Variants in KCNG2 observed in about 807,000 individuals in gnomAD.
The protein encoded by KCNG2 is potassium voltage-gated channel modifier subfamily G member 2, also known as voltage-gated potassium channel regulatory subunit KCNG2.
Under a neutral mutation model 12.3 loss-of-function variants are expected in KCNG2, and 7 were observed. That is an observed-to-expected ratio of 0.57 (90% confidence interval 0.32 to 1.07). The LOEUF (loss-of-function observed/expected upper bound fraction) is 1.07, where lower values mean the gene tolerates loss of function less well. Among genes scored for constraint, KCNG2 ranks in the 50% least tolerant of loss-of-function variants. KCNG2 has a pLI of 0.04. For synonymous variants in KCNG2, 414 were observed against 351.4 expected (o/e 1.18, Z -1.99); for missense variants, 703 against 726.0 (o/e 0.97, Z 0.36).
Position 79,863,865 on chromosome 18 carries a change from C to T in KCNG2, c.198C>T (p.Arg66=), listed in dbSNP as rs1568260918. Residue 66 remains arginine (R), a synonymous_variant, in exon 3 of 4, where the codon CGC becomes CGT. Coordinates refer to ENST00000316249, the MANE Select transcript of KCNG2 (RefSeq NM_012283.2). ...TGTGTGACGACTACGACGTGAGCCG[C>T]GACGAGTTCTTCTTCGACCGCAGCC... ...LRVCDDYDVS[R]DEFFFDRSPC... The T allele has an allele frequency of 1.4e-6, 2 of 1,471,878 alleles. No homozygotes were observed. Among genetic ancestry groups the T allele is most frequent in the South Asian group, 1.3e-5 (1 of 79,896 alleles). The allele number at this position is 1,471,878 out of a possible 1,614,324, so 91.2% of individuals were successfully genotyped here.
chr18:79,812,732 G>A (rs374330071), intron 1 of KCNG2, among the ~76,000 whole-genome samples: 1 of 152,052 alleles, frequency 6.6e-6, no homozygotes, highest in South Asian at 2.1e-4. Context: ...GTGGTGGTGC[G>A]CACCTGTACT....
intron 3 of KCNG2, among the ~76,000 whole-genome samples, chr18:79,890,944 T>TTC (rs35438561): frequency 0.52 from 79,694 of 151,972 alleles, 21,756 homozygotes; most frequent in Middle Eastern, 0.61. Flanking sequence ...CAATGGAATT[T>TTC]TCTTTTTCTT....
chr18:79,818,733 C>T (rs925850347), intron 1 of KCNG2, among the ~76,000 whole-genome samples: 2 of 152,172 alleles, frequency 1.3e-5, no homozygotes, highest in Admixed American at 1.3e-4. Context: ...CTGCGAGAGA[C>T]GTCCGTGTCC....
At chr18:79,839,157 T>C (rs1009324879) in intron 1 of KCNG2, among the ~76,000 whole-genome samples, 3 of 151,988 alleles carry the variant, frequency 2.0e-5, no homozygotes, top group African/African-American at 7.3e-5. Flanking sequence ...ATTAGCAGAA[T>C]ATGTGGGCGC....
At chr18:79,850,301 G>T (rs1978773611) in intron 1 of KCNG2, among the ~76,000 whole-genome samples, 1 of 152,168 alleles carries the variant, frequency 6.6e-6, no homozygotes, top group Non-Finnish European at 1.5e-5. Context: ...GTATAAAATT[G>T]GGATTATTCT....
intron 1 of KCNG2, among the ~76,000 whole-genome samples, chr18:79,846,214 A>C (rs1190895829): frequency 1.3e-5 from 2 of 150,926 alleles, no homozygotes; most frequent in African/African-American, 4.9e-5. Context: ...CTACTAAAAA[A>C]TACAAAAAAT....
At chr18:79,861,439 C>A (rs1979219241) in intron 2 of KCNG2, among the ~76,000 whole-genome samples, 1 of 152,024 alleles carries the variant, frequency 6.6e-6, no homozygotes, top group African/African-American at 2.4e-5. Flanking sequence ...CCACCACACC[C>A]CGCTAATTTT....
chr18:79,867,602 G>A (rs1157442856), intron 3 of KCNG2, among the ~76,000 whole-genome samples: 2 of 148,428 alleles, frequency 1.3e-5, no homozygotes, highest in Middle Eastern at 3.2e-3. Context: ...GTCTGGGGGG[G>A]GACCGTGAGC....
intron 1 of KCNG2, among the ~76,000 whole-genome samples, chr18:79,814,924 T>TTA (rs397951281): frequency 2.0e-5 from 3 of 151,378 alleles, no homozygotes; most frequent in African/African-American, 7.3e-5. Context: ...TTTTTTTTTT[T>TTA]ACGATGAAAA....
chr18:79,855,955 C>G (rs974653551), intron 1 of KCNG2, among the ~76,000 whole-genome samples: 2 of 152,082 alleles, frequency 1.3e-5, no homozygotes, highest in Non-Finnish European at 2.9e-5. Context: ...CCCATTTTTT[C>G]TATTGAGCTG....
At chr18:79,860,651 A>G (rs144535444) in intron 2 of KCNG2, among the ~76,000 whole-genome samples, 3,312 of 129,882 alleles carry the variant, frequency 0.026, 52 homozygotes, top group Middle Eastern at 0.051. Flanking sequence ...TGCTGAACCC[A>G]TTCTCATAGT....
intron 2 of KCNG2, among the ~76,000 whole-genome samples, chr18:79,859,399 G>A (rs1385670049): frequency 6.6e-6 from 1 of 152,232 alleles, no homozygotes; most frequent in Non-Finnish European, 1.5e-5. Context: ...GAAGGCCACA[G>A]GCAGCTCCAG....
At chr18:79,828,775 CGT>C (rs1260799208) in intron 1 of KCNG2, among the ~76,000 whole-genome samples, 3 of 111,450 alleles carry the variant, frequency 2.7e-5, no homozygotes, top group Non-Finnish European at 5.4e-5. Context: ...GTGTGTGTAA[CGT>C]GTCTGTGTGT....
chr18:79,892,124 A>AC (rs1181309800), intron 3 of KCNG2, among the ~76,000 whole-genome samples: 3 of 149,266 alleles, frequency 2.0e-5, no homozygotes, highest in Non-Finnish European at 3.0e-5. Flanking sequence ...AAAAAAAAAA[A>AC]AAAAAAACAA....
At chr18:79,802,812 G>A (rs1297054779) in intron 1 of KCNG2, among the ~76,000 whole-genome samples, 2 of 151,928 alleles carry the variant, frequency 1.3e-5, no homozygotes, top group Admixed American at 6.6e-5. Context: ...GTTTTATATC[G>A]GTACATTTTA....
intron 1 of KCNG2, among the ~76,000 whole-genome samples, chr18:79,844,811 G>T (rs996094432): frequency 4.6e-5 from 7 of 152,224 alleles, no homozygotes; most frequent in Admixed American, 3.3e-4. Flanking sequence ...GGAATGTCAA[G>T]TAGTACAACC....
chr18:79,882,294 A>C (rs557203613), intron 3 of KCNG2, among the ~76,000 whole-genome samples: 2 of 152,232 alleles, frequency 1.3e-5, no homozygotes, highest in African/African-American at 4.8e-5. Flanking sequence ...AGATCACTTC[A>C]GCCCAGGAGT....
chr18:79,863,573 A>T, intron 2 of KCNG2, 55 bp from the exon 3 acceptor site: 1 of 1,131,008 alleles, frequency 8.8e-7, no homozygotes, highest in Non-Finnish European at 1.1e-6. Flanking sequence ...CCGCGGGCGG[A>T]CGCGCTCCCC....
intron 2 of KCNG2, among the ~76,000 whole-genome samples, chr18:79,861,533 C>T (rs1261065967): frequency 6.6e-6 from 1 of 152,180 alleles, no homozygotes; most frequent in Non-Finnish European, 1.5e-5. Flanking sequence ...CCTGCCTCGG[C>T]CTCCCAAAGT....
Sources: allele counts gnomAD v4.1 joint callset (sites outside exome capture counted in the v4.1 genomes callset), GRCh38; gene constraint gnomAD v4.1.1; transcripts MANE v1.5; gene names NCBI Gene and HGNC (gene_info 2026-07-23, HGNC 2026-07-21).